Variants in SPAG9 observed in about 807,000 individuals in gnomAD.
SPAG9 encodes the protein sperm associated antigen 9, also known as C-Jun-amino-terminal kinase-interacting protein 4.
A neutral mutation model predicts 166.5 loss-of-function variants in SPAG9; 35 were observed. That is an observed-to-expected ratio of 0.21 (90% CI 0.16 to 0.28). The LOEUF is 0.28. Ranked by LOEUF, SPAG9 falls within the 10% of genes least tolerant of loss-of-function variation. The pLI, the probability that SPAG9 is intolerant of heterozygous loss-of-function variation, is 1.00. For missense variants in SPAG9, 1,235 were observed against 1,603.3 expected (o/e 0.77, Z 3.92); for synonymous variants, 534 against 565.5 (o/e 0.94, Z 0.79).
At chr17:50,999,575 G>C in intron 14 of SPAG9, 86 bp downstream of exon 14, 1 of 1,451,488 alleles carries the variant, frequency 6.9e-7, no homozygotes, top group Non-Finnish European at 9.4e-7. Context: ...AAAGAAAATG[G>C]ACATAAAATC....
chr17:51,028,115 G>C (rs1293985862), intron 6 of SPAG9, among the ~76,000 whole-genome samples: 1 of 150,938 alleles, frequency 6.6e-6, no homozygotes, highest in Non-Finnish European at 1.5e-5. Context: ...ATAGAATAAG[G>C]ATATAAAGAA....
intron 1 of SPAG9, among the ~76,000 whole-genome samples, chr17:51,086,708 G>A (rs1280158687): frequency 1.3e-5 from 2 of 152,070 alleles, no homozygotes; most frequent in Admixed American, 6.6e-5. Flanking sequence ...CAAGGTGGGT[G>A]GTCAGGAGTT....
At chr17:50,989,414 AT>A in intron 21 of SPAG9, 1 of 501,918 alleles carries the variant, frequency 2.0e-6, no homozygotes. Context: ...CTCAGAACAT[AT>A]CCCCATTGTT....
intron 2 of SPAG9, among the ~76,000 whole-genome samples, chr17:51,066,515 A>AT (rs557553606): frequency 2.9e-3 from 390 of 135,384 alleles, no homozygotes; most frequent in Middle Eastern, 4.4e-3. Flanking sequence ...AGATCATGCC[A>AT]TTGCACTCCA....
rs577902998 is a variant in SPAG9, at chr17:51,016,505, T to C, written c.1092-2152A>G. Among the ~76,000 whole-genome samples, 4 of 152,234 alleles carry C rather than the reference T, an allele frequency of 2.6e-5. No individual in the cohort carries two copies. The South Asian group carries it at 8.3e-4, about 31-fold the overall frequency. On this transcript the variant is annotated intron_variant, in intron 8 of 29. Transcript: ENST00000262013. ...GTCATATTGGGGACTTTTACATTTA[T>C]GAATTGCATAGTGTCTGCCAGTGAT...
At chr17:51,013,775 A>G (rs2045584869) in intron 9 of SPAG9, among the ~76,000 whole-genome samples, 1 of 152,204 alleles carries the variant, frequency 6.6e-6, no homozygotes, top group South Asian at 2.1e-4. Context: ...AACATAATAT[A>G]CTCTGAGAAA....
chr17:51,068,730 G>A (rs2047740259), intron 2 of SPAG9, among the ~76,000 whole-genome samples: 2 of 152,046 alleles, frequency 1.3e-5, no homozygotes, highest in African/African-American at 2.4e-5. Flanking sequence ...CAAATTATTC[G>A]TATTTTCCCT....
At chr17:51,057,440 TGTGTAATCTACAACTGG>T (rs1175255334) in intron 2 of SPAG9, among the ~76,000 whole-genome samples, 4 of 152,200 alleles carry the variant, frequency 2.6e-5, no homozygotes, top group Admixed American at 2.0e-4. Context: ...GGCAAGGCTG[TGTGTAATCTACAACTGG>T]TGACTGTGGA....
chr17:51,087,500 T>C (rs1055762905), intron 1 of SPAG9, among the ~76,000 whole-genome samples: 1 of 152,170 alleles, frequency 6.6e-6, no homozygotes, highest in Non-Finnish European at 1.5e-5. Context: ...AGGGAAGTAA[T>C]GAGAATAGTT....
At position 51,034,091 on chromosome 17, in the gene SPAG9, A is replaced by ATGTGGTT. The variant is rs1314889181; in HGVS notation, c.742-2370_742-2369insAACCACA. Among the ~76,000 whole-genome samples the ATGTGGTT allele has an allele frequency of 1.2e-4, 19 of 152,360 alleles. No individual in the cohort carries two copies. The South Asian group carries it at 1.4e-3, about 12-fold the overall frequency. On this transcript the variant is annotated intron_variant, in intron 5 of 29. Transcript: ENST00000262013. ...CCTATAGGTGGTTCCTAAAGTTATC[A>ATGTGGTT]CATGAAGATATATGTGAGGAAAAAA... is the stretch of plus-strand genomic sequence containing the variant.
chr17:51,024,767 C>T (rs2046087590), intron 6 of SPAG9, among the ~76,000 whole-genome samples: 1 of 151,212 alleles, frequency 6.6e-6, no homozygotes, highest in Non-Finnish European at 1.5e-5. Flanking sequence ...ATCCCAGCTA[C>T]TTCGGAGGCT....
At chr17:51,094,981 A>T (rs2048569694) in intron 1 of SPAG9, among the ~76,000 whole-genome samples, 2 of 152,196 alleles carry the variant, frequency 1.3e-5, no homozygotes, top group Admixed American at 6.6e-5. Context: ...TACTGATCTG[A>T]CAAAAGCAAA....
intron 2 of SPAG9, among the ~76,000 whole-genome samples, chr17:51,074,080 CA>C (rs1444177133): frequency 3.9e-5 from 6 of 152,050 alleles, no homozygotes; most frequent in Non-Finnish European, 7.4e-5. Flanking sequence ...ACTAAAAATA[CA>C]AAAAATAAGC....
chr17:51,106,253 T>C (rs912372371), intron 1 of SPAG9, among the ~76,000 whole-genome samples: 4 of 151,250 alleles, frequency 2.6e-5, no homozygotes, highest in Non-Finnish European at 5.9e-5. Flanking sequence ...CAGTGAGCTA[T>C]GATCACTCCA....
intron 1 of SPAG9, among the ~76,000 whole-genome samples, chr17:51,107,693 T>C (rs2048992820): frequency 6.7e-6 from 1 of 148,512 alleles, no homozygotes; most frequent in East Asian, 2.0e-4. Flanking sequence ...GCCGAGATCA[T>C]GCCATTGCAC....
intron 2 of SPAG9, among the ~76,000 whole-genome samples, chr17:51,068,407 A>G (rs1040851707): frequency 6.6e-6 from 1 of 152,200 alleles, no homozygotes; most frequent in Non-Finnish European, 1.5e-5. Context: ...CATATTCTCA[A>G]AACAGAGTAG....
chr17:50,982,206 A>G (rs1974713301), intron 25 of SPAG9, among the ~76,000 whole-genome samples: 1 of 152,220 alleles, frequency 6.6e-6, no homozygotes, highest in Non-Finnish European at 1.5e-5. Flanking sequence ...AACAATCCTC[A>G]TATAACTAAA....
rs2044846832 is a variant in SPAG9 at position 50,999,736 on chromosome 17, G to A, written c.1608-19C>T. The A allele has an allele frequency of 1.2e-6, 2 of 1,607,070 alleles. No individual in the cohort carries two copies. The highest frequency in any genetic ancestry group is 1.7e-6 in the Non-Finnish European group (2 of 1,175,714). ...TGATGCCCTACATTCAAAAAGAAAA[G>A]AAAAGAAACATTTATCAGTGAGGTA... is the stretch of plus-strand genomic sequence containing the variant. On this transcript the variant is annotated intron_variant, in intron 13 of 29. Transcript: ENST00000262013.
intron 1 of SPAG9, among the ~76,000 whole-genome samples, chr17:51,104,417 AC>A (rs1568091526): frequency 6.6e-6 from 1 of 152,152 alleles, no homozygotes. Flanking sequence ...TGGACGGATC[AC>A]CCAAGGTCGC....
Sources: allele counts gnomAD v4.1 joint callset (sites outside exome capture counted in the v4.1 genomes callset), GRCh38; gene constraint gnomAD v4.1.1; transcripts MANE v1.5; gene names NCBI Gene and HGNC (gene_info 2026-07-23, HGNC 2026-07-21).